Variants in PIWIL3 observed in about 807,000 individuals in gnomAD.
PIWIL3 encodes the protein piwi like RNA-mediated gene silencing 3.
A neutral mutation model predicts 109.7 loss-of-function variants in PIWIL3; 101 were observed. The observed-to-expected ratio is 0.92, with a 90% CI of 0.78 to 1.09. The LOEUF (loss-of-function observed/expected upper bound fraction) is 1.09, where lower values mean the gene tolerates loss of function less well. Among genes scored for constraint, PIWIL3 ranks in the 50% least tolerant of loss-of-function variants. The pLI is 0.00. For missense variants in PIWIL3, 1,031 were observed against 1,072.6 expected, an observed-to-expected ratio of 0.96 and a Z score of 0.54; for synonymous variants, 373 against 376.4, an observed-to-expected ratio of 0.99 and a Z score of 0.10.
chr22:24,756,045 G>C lies in PIWIL3; in HGVS notation c.571-140C>G, dbSNP rs141758642. 212 of 865,910 alleles carry C rather than the reference G, an allele frequency of 2.4e-4. 3 individuals are homozygous for C. The East Asian group carries it at 5.2e-3, about 21-fold the overall frequency. 53.6% of individuals were successfully genotyped at this position (865,910 alleles called of 1,614,324 possible). On this transcript the variant is annotated intron_variant, in intron 5 of 20. Coordinates refer to ENST00000616349, the MANE Select transcript of PIWIL3 (RefSeq NM_001255975.1). ...CAGTCTTTCCCACAAAAGTACGTGC[G>C]TGTGGAAAACATGATTCACAAGAGT...
intron 1 of PIWIL3, among the ~76,000 whole-genome samples, chr22:24,765,060 A>G (rs1352876711): frequency 6.6e-6 from 1 of 152,188 alleles, no homozygotes; most frequent in African/African-American, 2.4e-5. Flanking sequence ...TTATTTAAAA[A>G]TATTTCAGAT....
chr22:24,756,851 G>C (rs376000326), intron 4 of PIWIL3, 146 bp from the exon 5 acceptor site: 2 of 671,486 alleles, frequency 3.0e-6, no homozygotes, highest in Non-Finnish European at 5.0e-6. Context: ...AGGCCAAGGC[G>C]GGTGGATCAC....
intron 1 of PIWIL3, among the ~76,000 whole-genome samples, chr22:24,769,062 G>C (rs1339268162): frequency 6.6e-6 from 1 of 152,086 alleles, no homozygotes; most frequent in African/African-American, 2.4e-5. Context: ...GTATCCACAG[G>C]GATTGGTTCC....
At chr22:24,760,030 C>A (rs757202764) in intron 2 of PIWIL3, 41 bp from the exon 3 acceptor site, 2 of 1,610,556 alleles carry the variant, frequency 1.2e-6, no homozygotes, top group Admixed American at 3.3e-5. Flanking sequence ...CAGTGCCCTA[C>A]TGTGTTCATT....
chr22:24,744,178 T>TAAAAAAAAAAAAAAAAAAAAAAAAAA (rs1188611412), intron 12 of PIWIL3, among the ~76,000 whole-genome samples: 1 of 34,302 alleles, frequency 2.9e-5, no homozygotes, highest in Non-Finnish European at 5.7e-5. Context: ...GTGACCGAAT[T>TAAAAAAAAAAAAAAAAAAAAAAAAAA]AAAAAAAAAA....
At chr22:24,758,168 T>C in intron 3 of PIWIL3, 129 bp from the exon 4 acceptor site, 1 of 1,135,554 alleles carries the variant, frequency 8.8e-7, no homozygotes, top group South Asian at 1.6e-5. Flanking sequence ...CACATTTCCG[T>C]GATATGTTGC....
Position 24,758,600 on chromosome 22 carries a change from C to T in PIWIL3, c.224-561G>A, listed in dbSNP as rs529513540. 2.6e-5 allele frequency among the ~76,000 whole-genome samples: 4 copies of T among 152,302 alleles called. No individual in the cohort carries two copies. The South Asian group carries it at 8.3e-4, about 32-fold the overall frequency. The stretch of plus-strand genomic sequence containing the variant: ...GAGAGGCATCCTGAAGGAATACGCA[C>T]ACGTTATTGTAAATCCCGTACACCT... On this transcript the variant is annotated intron_variant, in intron 3 of 20. Transcript: ENST00000616349.
chr22:24,754,666 T>C (rs549831286), intron 7 of PIWIL3, 118 bp downstream of exon 7: 10 of 766,136 alleles, frequency 1.3e-5, no homozygotes, highest in African/African-American at 1.2e-4. Flanking sequence ...GGTCAGTGGA[T>C]ACCATTTAAA....
intron 12 of PIWIL3, among the ~76,000 whole-genome samples, chr22:24,746,761 A>G (rs1924397714): frequency 6.6e-6 from 1 of 152,090 alleles, no homozygotes. Flanking sequence ...CAATAGATAA[A>G]AATAAAATAC....
In PIWIL3 at chr22:24,725,461, C is replaced by T. The variant is rs186352789; in HGVS notation, c.2064G>A (p.Leu688=). The change falls in exon 17 of 21, where the codon CTG becomes CTA. Residue 688 remains leucine, a synonymous_variant. Transcript: ENST00000616349. The stretch of plus-strand genomic sequence containing the variant: ...GACACTGACCTTTCAAGCAGATCTC[C>T]AGCTCTTTCACAAGCTCTTCTCCTG... ...QKTGEELVKE[L]EICLKAALDV... 8.1e-5 allele frequency: 130 copies of T among 1,613,962 alleles called. No individual in the cohort carries two copies. The East Asian group carries it at 2.7e-3, about 33-fold the overall frequency.
chr22:24,755,664 C>CTCT (rs1924981568), intron 6 of PIWIL3, 120 bp downstream of exon 6: 4 of 1,310,498 alleles, frequency 3.1e-6, no homozygotes. Context: ...ACCCTTCACT[C>CTCT]TCTTAATACA....
In PIWIL3 at chr22:24,748,967, A is replaced by T. The variant is rs760225204; in HGVS notation, c.1389T>A (p.Asn463Lys). Residue 463 changes from asparagine (N) to lysine (K), a missense_variant, in exon 12 of 21, where the codon AAT becomes AAA. Asn to Lys is a moderately conservative substitution (Grantham distance 94). Coordinates refer to ENST00000616349, the MANE Select transcript of PIWIL3 (RefSeq NM_001255975.1). The stretch of plus-strand genomic sequence containing the variant: ...AAACTCTTCCCGGGACGGACAAAAA[A>T]TTGGTATCAAATTTCAAATCCCAGA... ...LQLWDLKFDTNFLSVPGRVLK... is the reference protein window; with the variant it reads ...LQLWDLKFDTKFLSVPGRVLK... 6 of 1,613,722 alleles carry T rather than the reference A, an allele frequency of 3.7e-6. No homozygotes were observed. The African/African-American group carries it at 8.0e-5, about 22-fold the overall frequency.
intron 7 of PIWIL3, 139 bp from the exon 8 acceptor site, chr22:24,754,356 AGAT>A: frequency 1.5e-6 from 1 of 671,102 alleles, no homozygotes; most frequent in Non-Finnish European, 2.5e-6. Flanking sequence ...AAGGACCTTC[AGAT>A]AAACATTTAT....
chr22:24,747,906 T>C (rs1924467635), intron 12 of PIWIL3, among the ~76,000 whole-genome samples: 1 of 152,096 alleles, frequency 6.6e-6, no homozygotes, highest in Non-Finnish European at 1.5e-5. Flanking sequence ...AGAGCTAACA[T>C]ATGTTGCAGC....
intron 1 of PIWIL3, among the ~76,000 whole-genome samples, chr22:24,767,009 T>A (rs11090341): frequency 0.21 from 31,473 of 151,194 alleles, 3,515 homozygotes; most frequent in Admixed American, 0.32. Flanking sequence ...GGTGCACACC[T>A]GTAGTCCCTG....
chr22:24,731,016 TA>T (rs1344747179), intron 14 of PIWIL3, among the ~76,000 whole-genome samples: 2 of 152,154 alleles, frequency 1.3e-5, no homozygotes, highest in African/African-American at 4.8e-5. Context: ...TATTAACAGC[TA>T]AAAAAGTCAG....
Position 24,754,846 on chromosome 22 carries a change from A to G in PIWIL3, c.711T>C (p.Asp237=). 1 of 1,612,696 alleles carries G rather than the reference A, an allele frequency of 6.2e-7. No homozygotes were observed. Among genetic ancestry groups the G allele is most frequent in the South Asian group, 1.1e-5 (1 of 91,064 alleles). The change falls in exon 7 of 21, where the codon GAT becomes GAC. Residue 237 remains aspartate (D), a synonymous_variant. Transcript: ENST00000616349. ...AATAGTTGCGACCAACTTGTTCAAA[A>G]TCCAGCAGCTTGAAAGTTCTGGAAA... The part of the protein sequence containing the change: ...ILFRRTFKLL[D]FEQVGRNYYT...
chr22:24,762,185 T>C (rs1925477696), intron 2 of PIWIL3: 1 of 970,368 alleles, frequency 1.0e-6, no homozygotes, highest in Non-Finnish European at 1.4e-6. Flanking sequence ...TGCTTGCACA[T>C]GTGAAAATGT....
At chr22:24,744,205 A>AC (rs1924210727) in intron 12 of PIWIL3, among the ~76,000 whole-genome samples, 1 of 148,084 alleles carries the variant, frequency 6.8e-6, no homozygotes. Context: ...AAAAAAAAAA[A>AC]AACAATGATC....
Sources: gnomAD v4.1 joint callset for allele counts (sites outside exome capture counted in the v4.1 genomes callset) on GRCh38, gnomAD v4.1.1 for gene constraint, MANE v1.5 for transcripts, NCBI Gene and HGNC (gene_info 2026-07-23, HGNC 2026-07-21) for gene names.